The following RYR3 variants were observed in gnomAD, a reference collection of about 807,000 sequenced individuals.
RYR3 encodes brain ryanodine receptor-calcium release channel.
In RYR3, 207 loss-of-function variants were observed where a neutral mutation model predicts 584.3. The observed-to-expected ratio is 0.35, with a 90% confidence interval of 0.32 to 0.40. RYR3 has a LOEUF of 0.40. Ranked by LOEUF, RYR3 falls within the 10% of genes least tolerant of loss-of-function variation. The pLI, the probability that RYR3 is intolerant of heterozygous loss-of-function variation, is 1.00. For synonymous variants in RYR3, 2,416 were observed against 2,248.5 expected, an observed-to-expected ratio of 1.07 and a Z score of -2.11; for missense variants, 5,616 against 6,089.2, an observed-to-expected ratio of 0.92 and a Z score of 2.59.
intron 1 of RYR3, among the ~76,000 whole-genome samples, chr15:33,417,350 G>T (rs1007379079): frequency 4.0e-5 from 6 of 151,850 alleles, no homozygotes; most frequent in African/African-American, 1.5e-4. Context: ...TGTTTGTGTT[G>T]CTTATGGTCC....
At chr15:33,492,531 A>C (rs1382645436) in intron 2 of RYR3, among the ~76,000 whole-genome samples, 4 of 151,448 alleles carry the variant, frequency 2.6e-5, no homozygotes, top group African/African-American at 9.7e-5. Flanking sequence ...ATTTGGATTC[A>C]GTTTGAGAGT....
Position 33,543,649 on chromosome 15 carries a change from G to A in RYR3, c.674G>A (p.Arg225His), listed in dbSNP as rs370938489. Residue 225 changes from arginine (R) to histidine (H), a missense_variant, in exon 8 of 104, where the codon CGT becomes CAT. Physicochemically the swap from Arg to His is conservative, Grantham distance 29 (BLOSUM62 0). Coordinates refer to ENST00000634891, the MANE Select transcript of RYR3 (RefSeq NM_001036.6). ...EGYLLGGHVVRLFHGHDECLT... is the reference protein window; with the variant it reads ...EGYLLGGHVVHLFHGHDECLT... ...TACCTACTTGGTGGGCATGTAGTAC[G>A]TCTTTTCCATGGTCATGATGAATGT... 207 of 1,611,718 alleles carry A rather than the reference G, an allele frequency of 1.3e-4. No individual in the cohort carries two copies. The highest frequency in any genetic ancestry group is 1.6e-4 in the South Asian group (15 of 91,034).
At chr15:33,451,249 A>T (rs78897323) in intron 1 of RYR3, among the ~76,000 whole-genome samples, 23,505 of 152,162 alleles carry the variant, frequency 0.15, 1,926 homozygotes, top group East Asian at 0.34. Context: ...CCCAGTAGAT[A>T]GCAGTGACCT....
rs527800216 is a variant in RYR3, at chr15:33,463,139, G to A, written c.52-10280G>A. ...TCATCGCACCACTGCACTCCAGCCT[G>A]GGTGACAGAGTGAGACCCTATCTCA... On this transcript the variant is annotated intron_variant, in intron 1 of 103. Transcript: ENST00000634891. Among the ~76,000 whole-genome samples the A allele has an allele frequency of 7.9e-5, 12 of 152,112 alleles. No homozygotes were observed. The East Asian group carries it at 2.3e-3, about 29-fold the overall frequency.
At chr15:33,351,087 G>C (rs1455680489) in intron 1 of RYR3, among the ~76,000 whole-genome samples, 2 of 152,080 alleles carry the variant, frequency 1.3e-5, no homozygotes, top group Non-Finnish European at 2.9e-5. Flanking sequence ...TCTCACCACC[G>C]ATCCCACAGA....
chr15:33,661,470 AC>A (rs1264467044), intron 34 of RYR3, among the ~76,000 whole-genome samples: 2 of 152,136 alleles, frequency 1.3e-5, no homozygotes, highest in African/African-American at 4.8e-5. Flanking sequence ...TACAAATGAT[AC>A]AGATCAGTGG....
At chr15:33,707,130 C>T (rs991012952) in intron 43 of RYR3, 76 bp downstream of exon 43, 42 of 1,509,080 alleles carry the variant, frequency 2.8e-5, no homozygotes, top group Non-Finnish European at 3.7e-5. Flanking sequence ...AAAGGATATC[C>T]TTTCCATTGC....
intron 48 of RYR3, among the ~76,000 whole-genome samples, chr15:33,733,897 A>G (rs2069172753): frequency 6.6e-6 from 1 of 152,220 alleles, no homozygotes; most frequent in African/African-American, 2.4e-5. Flanking sequence ...AACTGCTCTG[A>G]AAAATAAAGC....
rs747999973 is a variant in RYR3, at chr15:33,530,557, G to A, written c.280-35G>A. ...TTGGCTCCCGGAGAAGCCACAACGG[G>A]CATGTGCTGACCTTATTCTTCCTCA... On this transcript the variant is annotated intron_variant, in intron 3 of 103. Coordinates refer to ENST00000634891, the MANE Select transcript of RYR3 (RefSeq NM_001036.6). 4 of 1,476,918 alleles carry A rather than the reference G, an allele frequency of 2.7e-6. No homozygotes were observed. In the East Asian group the frequency reaches 9.1e-5, roughly 33 times the overall value. The allele number at this position is 1,476,918 out of a possible 1,614,324, so 91.5% of individuals were successfully genotyped here.
At chr15:33,354,002 T>G (rs1436300998) in intron 1 of RYR3, among the ~76,000 whole-genome samples, 1 of 152,214 alleles carries the variant, frequency 6.6e-6, no homozygotes, top group Non-Finnish European at 1.5e-5. Flanking sequence ...ATCTGACGGC[T>G]GCCCAGAATC....
chr15:33,752,755 G>A (rs747158599), intron 57 of RYR3, among the ~76,000 whole-genome samples: 4 of 152,172 alleles, frequency 2.6e-5, no homozygotes, highest in East Asian at 1.9e-4. Context: ...TGGCCAGAAC[G>A]TCCAATAATA....
At chr15:33,711,183 T>G (rs1291274701) in intron 43 of RYR3, among the ~76,000 whole-genome samples, 1 of 152,142 alleles carries the variant, frequency 6.6e-6, no homozygotes, top group Non-Finnish European at 1.5e-5. Flanking sequence ...ATTTATTCAT[T>G]TTCACATCTG....
Position 33,757,485 on chromosome 15 carries a change from C to A in RYR3, c.8594C>A (p.Pro2865Gln). 1 of 1,607,008 alleles carries A rather than the reference C, an allele frequency of 6.2e-7. No homozygotes were observed. Among genetic ancestry groups the A allele is most frequent in the East Asian group, 2.2e-5 (1 of 44,654 alleles). Residue 2865 changes from proline (P) to glutamine (Q), a missense_variant, in exon 60 of 104, where the codon CCG (proline) becomes CAG (glutamine). Coordinates refer to ENST00000634891, the MANE Select transcript of RYR3 (RefSeq NM_001036.6). ...TGGTGCGTTTCCCAGGTTCTCCTCC[C>A]GCTGGTTGACCAGTACTTCACCAGT... ...EIKFFAKVLLPLVDQYFTSHC... is the reference protein window; with the variant it reads ...EIKFFAKVLLQLVDQYFTSHC...
intron 1 of RYR3, among the ~76,000 whole-genome samples, chr15:33,456,983 G>C (rs2047615093): frequency 1.3e-5 from 2 of 152,098 alleles, no homozygotes; most frequent in Admixed American, 1.3e-4. Flanking sequence ...AATTTTGTTT[G>C]TGTTCGACAA....
intron 67 of RYR3, among the ~76,000 whole-genome samples, chr15:33,794,081 TA>T (rs1820351054): frequency 7.7e-6 from 1 of 130,488 alleles, no homozygotes; most frequent in Admixed American, 8.2e-5. Flanking sequence ...TATATATAAA[TA>T]TATACATAAT....
At chr15:33,599,906 C>T (rs970807943) in intron 16 of RYR3, among the ~76,000 whole-genome samples, 1 of 152,202 alleles carries the variant, frequency 6.6e-6, no homozygotes, top group African/African-American at 2.4e-5. Flanking sequence ...TTTCTCTTTG[C>T]TGTTCCTACT....
Position 33,337,934 on chromosome 15 carries a change from A to ATTTTTTTTTTTTTTT in RYR3, c.51+26852_51+26866dup, listed in dbSNP as rs199625940. Reference sequence around the variant, plus strand: ...AGACAAGTCTCAATCATTTTAGGAGATTTTTTTTTTTTTTTTTTTTTTTTT... The same window carrying ATTTTTTTTTTTTTTT: ...AGACAAGTCTCAATCATTTTAGGAGATTTTTTTTTTTTTTTTTTTTTTTTTTTTTTTTTTTTTTTT... On this transcript the variant is annotated intron_variant, in intron 1 of 103. Transcript: ENST00000634891. Among the ~76,000 whole-genome samples the ATTTTTTTTTTTTTTT allele has an allele frequency of 1.3e-4, 15 of 113,602 alleles. 1 individual carries two copies. Among genetic ancestry groups the ATTTTTTTTTTTTTTT allele is most frequent in the Admixed American group, 2.9e-4 (3 of 10,238 alleles). The allele number at this position is 113,602 out of a possible 152,430, so 74.5% of individuals were successfully genotyped here.
At chr15:33,370,933 G>A (rs756092544) in intron 1 of RYR3, among the ~76,000 whole-genome samples, 9 of 152,130 alleles carry the variant, frequency 5.9e-5, no homozygotes, top group Admixed American at 4.6e-4. Flanking sequence ...TGGAAATACC[G>A]CAAAGTAGGG....
chr15:33,338,375 T>C (rs1022892562), intron 1 of RYR3, among the ~76,000 whole-genome samples: 5 of 152,138 alleles, frequency 3.3e-5, no homozygotes, highest in African/African-American at 1.2e-4. Context: ...TTCATGTAAG[T>C]GAATCTGCAT....
Sources: allele counts gnomAD v4.1 joint callset (sites outside exome capture counted in the v4.1 genomes callset), GRCh38; gene constraint gnomAD v4.1.1; transcripts MANE v1.5; gene names NCBI Gene and HGNC (gene_info 2026-07-23, HGNC 2026-07-21).